Variants in NELL1 observed in about 807,000 individuals in gnomAD.
NELL1 encodes the protein protein kinase C-binding protein NELL1.
In NELL1, 76 loss-of-function variants were observed where a neutral mutation model predicts 107.4. That is an observed-to-expected ratio of 0.71 (90% CI 0.59 to 0.86). The LOEUF is 0.86. NELL1 is among the 40% of genes least tolerant of loss of function. The probability of loss-of-function intolerance (pLI) is 0.00; values close to 1 mark genes in which losing one functional copy is unlikely to be tolerated. For synonymous variants in NELL1, 353 were observed against 341.2 expected (o/e 1.03, Z -0.38); for missense variants, 1,024 against 1,005.5 (o/e 1.02, Z -0.25).
At chr11:20,885,862 C>T (rs989711621) in intron 5 of NELL1, among the ~76,000 whole-genome samples, 6 of 152,178 alleles carry the variant, frequency 3.9e-5, no homozygotes, top group Non-Finnish European at 8.8e-5. Flanking sequence ...AAATGTTGAC[C>T]TCCCAATTCT....
chr11:21,344,026 T>C lies in NELL1; in HGVS notation c.1550-26827T>C, dbSNP rs371475241. 1.8e-3 allele frequency among the ~76,000 whole-genome samples: 275 copies of C among 152,332 alleles called. 10 individuals carry two copies. In the South Asian group the frequency reaches 0.054, roughly 30 times the overall value. Reference sequence around the variant, plus strand: ...CATTTTTAATTTTGTACCAAGCAGATGTGCCCCATTTGAAGAACAGAAGCA... The same window carrying C: ...CATTTTTAATTTTGTACCAAGCAGACGTGCCCCATTTGAAGAACAGAAGCA... On this transcript the variant is annotated intron_variant, in intron 14 of 19. Transcript: ENST00000357134.
At chr11:21,080,985 T>A (rs2133669704) in intron 12 of NELL1, among the ~76,000 whole-genome samples, 1 of 152,020 alleles carries the variant, frequency 6.6e-6, no homozygotes, top group Admixed American at 6.6e-5. Context: ...TTAAACAGGA[T>A]CTTGCTCTGT....
At chr11:21,045,600 T>C (rs767649008) in intron 12 of NELL1, among the ~76,000 whole-genome samples, 35 of 152,202 alleles carry the variant, frequency 2.3e-4, no homozygotes, top group Admixed American at 2.6e-4. Context: ...AAGATACCTG[T>C]TTAATGTACT....
chr11:21,240,889 A>G (rs371131322), intron 14 of NELL1, among the ~76,000 whole-genome samples: 7 of 152,104 alleles, frequency 4.6e-5, no homozygotes, highest in African/African-American at 1.7e-4. Flanking sequence ...TAGAGGCTTA[A>G]GGGAAACATG....
chr11:21,236,050 C>G (rs114993261), intron 14 of NELL1, among the ~76,000 whole-genome samples: 2,030 of 151,950 alleles, frequency 0.013, 41 homozygotes, highest in African/African-American at 0.046. Flanking sequence ...CCCAACAGAC[C>G]AGGCCAGATG....
intron 13 of NELL1, among the ~76,000 whole-genome samples, chr11:21,226,397 G>A (rs984783084): frequency 6.6e-6 from 1 of 152,170 alleles, no homozygotes; most frequent in African/African-American, 2.4e-5. Flanking sequence ...GTAGTGACAT[G>A]TTTGTTCATC....
chr11:20,994,063 C>G (rs1405289382), intron 12 of NELL1, among the ~76,000 whole-genome samples: 1 of 152,150 alleles, frequency 6.6e-6, no homozygotes, highest in Non-Finnish European at 1.5e-5. Flanking sequence ...AAATAATGTT[C>G]TAGCTAATTA....
chr11:21,247,193 C>T (rs951205579), intron 14 of NELL1, among the ~76,000 whole-genome samples: 8 of 152,148 alleles, frequency 5.3e-5, no homozygotes, highest in African/African-American at 1.7e-4. Context: ...TTGCTGTACA[C>T]TATGGTAGGC....
At chr11:21,074,400 G>A (rs1854085798) in intron 12 of NELL1, among the ~76,000 whole-genome samples, 1 of 152,178 alleles carries the variant, frequency 6.6e-6, no homozygotes, top group Non-Finnish European at 1.5e-5. Flanking sequence ...TTTTTTAACA[G>A]TAACTCAGAT....
At chr11:21,293,586 T>C (rs910389613) in intron 14 of NELL1, among the ~76,000 whole-genome samples, 1 of 152,208 alleles carries the variant, frequency 6.6e-6, no homozygotes, top group East Asian at 1.9e-4. Flanking sequence ...ACTGGGTATA[T>C]ACTTAAAGGT....
chr11:20,739,618 A>T (rs186871800), intron 2 of NELL1, among the ~76,000 whole-genome samples: 9 of 152,240 alleles, frequency 5.9e-5, no homozygotes, highest in Non-Finnish European at 8.8e-5. Flanking sequence ...AGTGAAAGGG[A>T]TGGAGGTCCT....
At chr11:21,516,895 C>T (rs1398521808) in intron 15 of NELL1, among the ~76,000 whole-genome samples, 5 of 151,862 alleles carry the variant, frequency 3.3e-5, no homozygotes, top group East Asian at 3.9e-4. Context: ...ACCTCCGTCT[C>T]CCAGGGTCAA....
At chr11:21,381,720 A>G (rs1851612204) in intron 15 of NELL1, among the ~76,000 whole-genome samples, 1 of 151,800 alleles carries the variant, frequency 6.6e-6, no homozygotes, top group Non-Finnish European at 1.5e-5. Flanking sequence ...TTCAAGTGTA[A>G]AGTGATTTTA....
chr11:20,824,358 C>T (rs1004877670), intron 3 of NELL1, among the ~76,000 whole-genome samples: 1 of 151,170 alleles, frequency 6.6e-6, no homozygotes, highest in African/African-American at 2.4e-5. Context: ...CAGACTACTA[C>T]AGTAAATTGG....
chr11:20,755,237 A>G (rs1856234502), intron 2 of NELL1, among the ~76,000 whole-genome samples: 1 of 152,190 alleles, frequency 6.6e-6, no homozygotes, highest in Non-Finnish European at 1.5e-5. Flanking sequence ...TGACTGAAGC[A>G]GGCAGAAAAC....
At chr11:21,224,992 C>G (rs1857856300) in intron 13 of NELL1, among the ~76,000 whole-genome samples, 1 of 152,080 alleles carries the variant, frequency 6.6e-6, no homozygotes, top group African/African-American at 2.4e-5. Context: ...TCCCTCTGTC[C>G]TGGGGTAAGC....
At chr11:21,069,457 C>T (rs993861603) in intron 12 of NELL1, among the ~76,000 whole-genome samples, 2 of 152,096 alleles carry the variant, frequency 1.3e-5, no homozygotes, top group African/African-American at 4.8e-5. Context: ...TTGGACACTA[C>T]TGATGGCTGG....
chr11:21,290,889 C>A (rs1849242052), intron 14 of NELL1, among the ~76,000 whole-genome samples: 1 of 152,142 alleles, frequency 6.6e-6, no homozygotes, highest in Non-Finnish European at 1.5e-5. Flanking sequence ...TGAGGAAAAA[C>A]CAGTGCAAAA....
At chr11:20,973,165 A>G (rs989734482) in intron 12 of NELL1, among the ~76,000 whole-genome samples, 3 of 142,514 alleles carry the variant, frequency 2.1e-5, no homozygotes, top group Admixed American at 7.2e-5. Flanking sequence ...CTGGAGTGCA[A>G]TGGCACAATC....
Sources: allele counts gnomAD v4.1 joint callset (sites outside exome capture counted in the v4.1 genomes callset), GRCh38; gene constraint gnomAD v4.1.1; transcripts MANE v1.5; gene names NCBI Gene and HGNC (gene_info 2026-07-23, HGNC 2026-07-21).